The following KCNU1 variants were observed in gnomAD, a reference collection of about 807,000 sequenced individuals.
The protein encoded by KCNU1 is potassium calcium-activated channel subfamily U member 1.
In KCNU1, 93 loss-of-function variants were observed where a neutral mutation model predicts 126.8. The ratio of observed to expected loss-of-function variants is 0.73; its 90% CI spans 0.62 to 0.87. The LOEUF (loss-of-function observed/expected upper bound fraction) is 0.87, where lower values mean the gene tolerates loss of function less well. KCNU1 is among the 40% of genes least tolerant of loss of function. The pLI is 0.00. For missense variants in KCNU1, 1,330 were observed against 1,367.1 expected, an observed-to-expected ratio of 0.97 and a Z score of 0.43; for synonymous variants, 523 against 494.2, an observed-to-expected ratio of 1.06 and a Z score of -0.77.
chr8:36,921,705 C>A (rs998883593), intron 23 of KCNU1, among the ~76,000 whole-genome samples: 48 of 151,176 alleles, frequency 3.2e-4, no homozygotes, highest in Non-Finnish European at 6.0e-4. Context: ...CAAAGGCAGC[C>A]TGTGCATCTC....
chr8:36,830,770 T>C (rs1445337320), intron 10 of KCNU1, among the ~76,000 whole-genome samples: 1 of 151,758 alleles, frequency 6.6e-6, no homozygotes, highest in Non-Finnish European at 1.5e-5. Flanking sequence ...TATTTATTAT[T>C]ATTATACTTT....
chr8:36,906,443 C>A (rs1167693273), intron 20 of KCNU1, among the ~76,000 whole-genome samples: 1 of 152,072 alleles, frequency 6.6e-6, no homozygotes, highest in Non-Finnish European at 1.5e-5. Flanking sequence ...TGTATCCTAA[C>A]CCAGGGTCTG....
chr8:36,935,304 C>G (rs1808818745), intron 26 of KCNU1, among the ~76,000 whole-genome samples: 1 of 152,124 alleles, frequency 6.6e-6, no homozygotes, highest in African/African-American at 2.4e-5. Flanking sequence ...CCAGCCCCCT[C>G]ATTCCTACTC....
intron 10 of KCNU1, among the ~76,000 whole-genome samples, chr8:36,830,297 TA>T (rs1387648899): frequency 6.6e-6 from 1 of 151,840 alleles, no homozygotes; most frequent in African/African-American, 2.4e-5. Context: ...TTCTCATTTT[TA>T]AAAGCACCTT....
At chr8:36,932,131 T>C (rs1201800745) in intron 25 of KCNU1, among the ~76,000 whole-genome samples, 1 of 152,144 alleles carries the variant, frequency 6.6e-6, no homozygotes, top group Non-Finnish European at 1.5e-5. Flanking sequence ...GCAGGACCCA[T>C]GTTCTGTGCA....
chr8:36,926,524 G>A (rs1256118548), intron 24 of KCNU1, among the ~76,000 whole-genome samples: 2 of 152,084 alleles, frequency 1.3e-5, no homozygotes, highest in African/African-American at 4.8e-5. Flanking sequence ...GTTGTTAAGA[G>A]GATTTTGGAA....
In KCNU1 at chr8:36,885,790, C is replaced by CT. The variant is rs567876767; in HGVS notation, c.2010-19917dup. On this transcript the variant is annotated intron_variant, in intron 19 of 26. Transcript: ENST00000399881. The stretch of plus-strand genomic sequence containing the variant: ...CTTGGGAGACAGAGCAAGACTCTGT[C>CT]TAAAAAAAAAGAAAAAGGAAAAAAG... Among the ~76,000 whole-genome samples the CT allele has an allele frequency of 2.4e-4, 36 of 151,296 alleles. No homozygotes were observed. The Middle Eastern group carries it at 0.01, about 43-fold the overall frequency.
At chr8:36,907,383 T>G (rs2117515318) in intron 20 of KCNU1, among the ~76,000 whole-genome samples, 1 of 152,310 alleles carries the variant, frequency 6.6e-6, no homozygotes, top group Non-Finnish European at 1.5e-5. Context: ...CTTGGCCATG[T>G]ATCTTGTTTC....
Position 36,806,342 on chromosome 8 carries a change from C to A in KCNU1, c.542C>A (p.Pro181Gln). The A allele has an allele frequency of 6.2e-7, 1 of 1,609,484 alleles. No individual in the cohort carries two copies. The highest frequency in any genetic ancestry group is 1.1e-5 in the South Asian group (1 of 90,484). ...NSIVDIFTIP[P>Q]TFISYYLKSN... ...ATCGTAGACATCTTTACCATCCCAC[C>A]AACCTTTATTTCTTATTATTTGAAG... The change falls in exon 5 of 27, where the codon CCA becomes CAA. Residue 181 changes from proline (P) to glutamine (Q), a missense_variant. Pro to Gln is a moderately conservative substitution (Grantham distance 76). Coordinates refer to ENST00000399881, the MANE Select transcript of KCNU1 (RefSeq NM_001031836.3).
chr8:36,814,139 G>T (rs1202819193), intron 7 of KCNU1, 68 bp from the exon 8 acceptor site: 2 of 1,182,416 alleles, frequency 1.7e-6, no homozygotes, highest in African/African-American at 1.5e-5. Context: ...CTAATGTTTT[G>T]CCTATTCTTT....
chr8:36,922,623 G>A lies in KCNU1; in HGVS notation c.2730G>A (p.Leu910=). 6.2e-7 allele frequency: 1 copy of A among 1,612,774 alleles called. No homozygotes were observed. The highest frequency in any genetic ancestry group is 8.5e-7 in the Non-Finnish European group (1 of 1,179,406). ...CCGGCAGCTTCTTGGATTCTCTGCT[G>A]GCCACGGTAAGAAAAGCTAAGCCAT... ...VFSGSFLDSL[L]ATAFYNYHVL... is the part of the protein sequence containing the mutation. The change falls in exon 24 of 27, where the codon CTG becomes CTA. Residue 910 remains leucine (L), a synonymous_variant. Transcript: ENST00000399881.
Position 36,834,836 on chromosome 8 carries a change from T to A in KCNU1, c.1263T>A (p.Asp421Glu). The A allele has an allele frequency of 6.2e-7, 1 of 1,611,958 alleles. No individual in the cohort carries two copies. Among genetic ancestry groups the A allele is most frequent in the East Asian group, 2.2e-5 (1 of 44,764 alleles). The change falls in exon 12 of 27, where the codon GAT becomes GAA. Residue 421 changes from aspartate to glutamate, a missense_variant. Asp to Glu is a conservative substitution (Grantham distance 45). Coordinates refer to ENST00000399881, the MANE Select transcript of KCNU1 (RefSeq NM_001031836.3). ...CLIIANPLCSDSHAEDISNIM... is the reference protein window; with the variant it reads ...CLIIANPLCSESHAEDISNIM... ...TTATAGCCAATCCTTTGTGCAGTGA[T>A]TCCCATGCTGAAGATATTTCCAACA... is the stretch of plus-strand genomic sequence containing the variant.
chr8:36,806,435 C>T (rs970474821), intron 5 of KCNU1, 55 bp downstream of exon 5: 2 of 875,384 alleles, frequency 2.3e-6, no homozygotes, highest in South Asian at 1.6e-5. Flanking sequence ...AAAAACTCAA[C>T]ATTCATTTGT....
In KCNU1 at chr8:36,814,187, A is replaced by T. The variant is rs1803825759; in HGVS notation, c.733-20A>T. On this transcript the variant is annotated intron_variant, in intron 7 of 26. Coordinates refer to ENST00000399881, the MANE Select transcript of KCNU1 (RefSeq NM_001031836.3). ...TTGGATTCTATTCAGATGTTTCCTG[A>T]GTCTTCTCTCTTTGGACAGGTGGAA... 6.2e-7 allele frequency: 1 copy of T among 1,600,994 alleles called. No homozygotes were observed. The highest frequency in any genetic ancestry group is 1.3e-5 in the African/African-American group (1 of 74,590).
intron 22 of KCNU1, among the ~76,000 whole-genome samples, chr8:36,913,651 G>T (rs922386657): frequency 6.7e-6 from 1 of 150,254 alleles, no homozygotes; most frequent in African/African-American, 2.5e-5. Context: ...ACCCAGGCTG[G>T]AGTGCGGTGG....
At chr8:36,852,093 G>C (rs1359976993) in intron 18 of KCNU1, among the ~76,000 whole-genome samples, 1 of 151,958 alleles carries the variant, frequency 6.6e-6, no homozygotes, top group Non-Finnish European at 1.5e-5. Context: ...GAATGGCTTT[G>C]ATGTTTGTCA....
chr8:36,819,342 A>G (rs1804039028), intron 10 of KCNU1, among the ~76,000 whole-genome samples: 2 of 152,198 alleles, frequency 1.3e-5, no homozygotes, highest in South Asian at 4.1e-4. Flanking sequence ...AACAAAAATC[A>G]AAGAAGGAAA....
At position 36,836,826 on chromosome 8, in the gene KCNU1, G is replaced by A; in HGVS notation, c.1399G>A (p.Asp467Asn). 1 of 1,613,800 alleles carries A rather than the reference G, an allele frequency of 6.2e-7. No homozygotes were observed. Among genetic ancestry groups the A allele is most frequent in the Non-Finnish European group, 8.5e-7 (1 of 1,179,782 alleles). Residue 467 changes from aspartate to asparagine, a missense_variant, in exon 14 of 27, where the codon GAC becomes AAC. Asp to Asn is a conservative substitution (Grantham distance 23, BLOSUM62 1). This residue lies in a region of KCNU1 where 1,054 missense variants were observed against 1,053.9 expected (regional missense o/e 1.00). Coordinates refer to ENST00000399881, the MANE Select transcript of KCNU1 (RefSeq NM_001031836.3). ...GCCAAAGATTCCCAGCTGGAACTGG[G>A]ACACCGGAGACAACATCATCTGCTT... ...YLPKIPSWNW[D>N]TGDNIICFAE...
intron 18 of KCNU1, among the ~76,000 whole-genome samples, chr8:36,856,134 T>C (rs1221738001): frequency 4.6e-5 from 7 of 152,214 alleles, no homozygotes; most frequent in Admixed American, 4.6e-4. Context: ...TGTATTTGTT[T>C]ATGGATAATG....
Sources: allele counts gnomAD v4.1 joint callset (sites outside exome capture counted in the v4.1 genomes callset), GRCh38; gene constraint gnomAD v4.1.1; regional missense constraint gnomAD v4.1.1; transcripts MANE v1.5; gene names NCBI Gene and HGNC (gene_info 2026-07-23, HGNC 2026-07-21).